Variants in GRM4 observed in about 807,000 individuals in gnomAD.
GRM4 encodes the protein metabotropic glutamate receptor 4.
GRM4 carries 28 observed loss-of-function variants against 81.7 expected under a neutral mutation model. The ratio of observed to expected loss-of-function variants is 0.34; its 90% CI spans 0.25 to 0.47. The LOEUF (loss-of-function observed/expected upper bound fraction) is 0.47. GRM4 is among the 20% of genes least tolerant of loss of function. The pLI is 1.00. For missense variants in GRM4, 948 were observed against 1,290.0 expected (o/e 0.73, Z 4.06); for synonymous variants, 488 against 528.8 (o/e 0.92, Z 1.06).
In GRM4 at chr6:34,051,340, G is replaced by A. The variant is rs186339240; in HGVS notation, c.1168+5204C>T. ...GAACAGAGCTTGACAATTAATAAAT[G>A]CTATATAAATATTAGCTGTGATTAT... is the stretch of plus-strand genomic sequence containing the variant. On this transcript the variant is annotated intron_variant, in intron 6 of 10. Coordinates refer to ENST00000538487, the MANE Select transcript of GRM4 (RefSeq NM_000841.4). 1.1e-3 allele frequency among the ~76,000 whole-genome samples: 174 copies of A among 152,302 alleles called. 1 individual carries two copies. Among genetic ancestry groups the A allele is most frequent in the Admixed American group, 4.3e-3 (66 of 15,294 alleles).
At position 34,022,537 on chromosome 6, in the gene GRM4, ACGACCTGAGCC is replaced by A; in HGVS notation, c.*273_*283del. 2.0e-6 allele frequency: 1 copy of A among 505,520 alleles called. No homozygotes were observed. Among genetic ancestry groups the A allele is most frequent in the East Asian group, 3.4e-5 (1 of 29,108 alleles). 31.3% of individuals were successfully genotyped at this position (505,520 alleles called of 1,614,324 possible). A position where few individuals can be genotyped will look rare whatever the true frequency, so the allele number is the denominator to read the frequency against. ...GGAGAGATCTAGCACTGGGGCCCACACGACCTGAGCCCCTGTGGTTTGGGGCCGGGAGGGGC... is the reference window on the plus strand; with the variant it reads ...GGAGAGATCTAGCACTGGGGCCCACACCTGTGGTTTGGGGCCGGGAGGGGC... On this transcript the variant is annotated 3_prime_UTR_variant, in exon 11 of 11. Transcript: ENST00000538487. This position sits in a 1 kb window ranked among gnomAD's most constrained non-coding sequence, Gnocchi z 5.6.
At chr6:34,072,533 CCACA>C (rs1285901902) in intron 3 of GRM4, among the ~76,000 whole-genome samples, 19 of 152,034 alleles carry the variant, frequency 1.2e-4, no homozygotes, top group Non-Finnish European at 2.2e-4. Context: ...CATAGATACC[CCACA>C]CACAGACTCA....
rs1322744355 is a variant in GRM4 at position 34,034,777 on chromosome 6, C to T, written c.2442+891G>A. 6.6e-6 allele frequency among the ~76,000 whole-genome samples: 1 copy of T among 152,242 alleles called. No homozygotes were observed. Among genetic ancestry groups the T allele is most frequent in the African/African-American group, 2.4e-5 (1 of 41,462 alleles). On this transcript the variant is annotated intron_variant, in intron 9 of 10. Transcript: ENST00000538487. The surrounding 1 kb of genome is among the most constrained non-coding windows in gnomAD (Gnocchi z 4.0). ...GAGGCCAACTGGCTTGCCCAGATCCCACACTTATACATGGCACTCAGACCA... is the reference window on the plus strand; with the variant it reads ...GAGGCCAACTGGCTTGCCCAGATCCTACACTTATACATGGCACTCAGACCA...
chr6:34,057,240 G>A (rs1369723964), intron 5 of GRM4, among the ~76,000 whole-genome samples: 2 of 151,612 alleles, frequency 1.3e-5, no homozygotes, highest in Non-Finnish European at 2.9e-5. Flanking sequence ...CTGTCCTAGG[G>A]TGGGCAGGCT....
chr6:34,135,967 C>T (rs1015851955), intron 1 of GRM4, among the ~76,000 whole-genome samples: 3 of 152,194 alleles, frequency 2.0e-5, no homozygotes, highest in African/African-American at 4.8e-5. Context: ...GGAGAGTCGG[C>T]TACTAGCCCG....
At position 34,022,614 on chromosome 6, in the gene GRM4, C is replaced by A; in HGVS notation, c.*207G>T. On this transcript the variant is annotated 3_prime_UTR_variant, in exon 11 of 11. Transcript: ENST00000538487. The surrounding 1 kb of genome is among the most constrained non-coding windows in gnomAD (Gnocchi z 5.6). ...AGGTTCTTGTGGTAGCCTGGCACCG[C>A]CCCGGCCCCTCGTCCTCCTGTTGCT... 1.7e-6 allele frequency: 1 copy of A among 597,272 alleles called. No individual in the cohort carries two copies. Among genetic ancestry groups the A allele is most frequent in the Non-Finnish European group, 3.0e-6 (1 of 332,896 alleles). 37.0% of individuals were successfully genotyped at this position (597,272 alleles called of 1,614,324 possible). A position where few individuals can be genotyped will look rare whatever the true frequency, so the allele number is the denominator to read the frequency against.
At chr6:34,061,658 A>G (rs970207163) in intron 4 of GRM4, 7 of 444,786 alleles carry the variant, frequency 1.6e-5, no homozygotes, top group African/African-American at 1.4e-4. Context: ...AGCCATCCCT[A>G]GCAGGTGGAA....
At chr6:34,151,057 A>G (rs377593887), upstream of GRM4, among the ~76,000 whole-genome samples, 15 of 138,922 alleles carry the variant, frequency 1.1e-4, no homozygotes, top group Admixed American at 2.1e-4. Context: ...CTCCAGCATA[A>G]GAGTGGCCAG....
chr6:34,037,449 CT>C (rs1235104674), intron 8 of GRM4, among the ~76,000 whole-genome samples: 1 of 152,188 alleles, frequency 6.6e-6, no homozygotes, highest in Non-Finnish European at 1.5e-5. Context: ...AATAAAGTGT[CT>C]CTTAGGAAGT....
chr6:34,022,945 G>A lies in GRM4; in HGVS notation c.2690-75C>T. 2 of 1,155,976 alleles carry A rather than the reference G, an allele frequency of 1.7e-6. No homozygotes were observed. The highest frequency in any genetic ancestry group is 1.2e-5 in the South Asian group (1 of 81,880). The allele number at this position is 1,155,976 out of a possible 1,614,324, so 71.6% of individuals were successfully genotyped here. A position where few individuals can be genotyped will look rare whatever the true frequency, so the allele number is the denominator to read the frequency against. Reference sequence around the variant, plus strand: ...CAAACTGTCCTTCCACATGGGCACAGCCCTGCACAAGAACCTACCATAGCT... The same window carrying A: ...CAAACTGTCCTTCCACATGGGCACAACCCTGCACAAGAACCTACCATAGCT... On this transcript the variant is annotated intron_variant, in intron 10 of 10. Coordinates refer to ENST00000538487, the MANE Select transcript of GRM4 (RefSeq NM_000841.4). This position sits in a 1 kb window ranked among gnomAD's most constrained non-coding sequence, Gnocchi z 5.6.
At chr6:34,051,256 G>A (rs888318952) in intron 6 of GRM4, among the ~76,000 whole-genome samples, 1 of 152,204 alleles carries the variant, frequency 6.6e-6, no homozygotes, top group Non-Finnish European at 1.5e-5. Flanking sequence ...TAACCTCTCT[G>A]TGCTTCAGTT....
chr6:34,125,635 G>A (rs773217293), intron 2 of GRM4, among the ~76,000 whole-genome samples: 23 of 152,242 alleles, frequency 1.5e-4, no homozygotes, highest in Admixed American at 3.3e-4. Flanking sequence ...CCAAGGGCAC[G>A]CAGAGGATTG....
intron 6 of GRM4, among the ~76,000 whole-genome samples, chr6:34,051,892 G>A (rs1765630999): frequency 2.0e-5 from 3 of 152,208 alleles, no homozygotes; most frequent in Admixed American, 6.5e-5. Context: ...GAGGCCCCCA[G>A]AGGTGAGGTA....
At position 34,028,330 on chromosome 6, in the gene GRM4, T is replaced by A; in HGVS notation, c.2479A>T (p.Ser827Cys). ...IQTTTLTVSVSLSASVSLGML... is the reference protein window; with the variant it reads ...IQTTTLTVSVCLSASVSLGML... ...CCCAGGGACACCGAGGCGCTCAGAC[T>A]CACCGAGACCGTCAGCGTCGTCGTC... is the stretch of plus-strand genomic sequence containing the variant. Residue 827 changes from serine (S) to cysteine (C), a missense_variant, in exon 10 of 11, where the codon AGT (serine) becomes TGT (cysteine). Ser to Cys is a moderately radical substitution (Grantham distance 112). Coordinates refer to ENST00000538487, the MANE Select transcript of GRM4 (RefSeq NM_000841.4). The A allele has an allele frequency of 6.2e-7, 1 of 1,611,692 alleles. No homozygotes were observed.
At chr6:34,055,517 C>T (rs1765827700) in intron 6 of GRM4, 1 of 152,254 alleles carries the variant, frequency 6.6e-6, no homozygotes, top group Admixed American at 6.5e-5. Flanking sequence ...GCGTCCCCCG[C>T]CCTTTGCCCA....
At position 34,048,239 on chromosome 6, in the gene GRM4, C is replaced by T. The variant is rs1364928742; in HGVS notation, c.1169-7491G>A. Among the ~76,000 whole-genome samples the T allele has an allele frequency of 2.0e-5, 3 of 152,182 alleles. No homozygotes were observed. Among genetic ancestry groups the T allele is most frequent in the Non-Finnish European group, 4.4e-5 (3 of 68,028 alleles). On this transcript the variant is annotated intron_variant, in intron 6 of 10. Coordinates refer to ENST00000538487, the MANE Select transcript of GRM4 (RefSeq NM_000841.4). This position sits in a 1 kb window ranked among gnomAD's most constrained non-coding sequence, Gnocchi z 4.0. ...GGCCAGCTGGAAACCCCCACTCAGC[C>T]CCTTGCTGGGCCTGGCAAGTCACTT...
At chr6:34,088,856 G>C (rs1310162914) in intron 3 of GRM4, among the ~76,000 whole-genome samples, 1 of 152,226 alleles carries the variant, frequency 6.6e-6, no homozygotes, top group Non-Finnish European at 1.5e-5. Flanking sequence ...ATTGCCCAGA[G>C]CATGTGTAGA....
rs57603011 is a variant in GRM4, at chr6:34,154,590, T to TACACACACACACAC, written c.312+475_312+488dup. ...GGTTAGATGGACGGATGGTCCTGAC[T>TACACACACACACAC]ACACACACACACACACACACACACA... is the stretch of plus-strand genomic sequence containing the variant. On this transcript the variant is annotated intron_variant, in intron 1 of 8. Coordinates refer to the GRM4 transcript ENST00000374177. Among the ~76,000 whole-genome samples, 241 of 145,082 alleles carry TACACACACACACAC rather than the reference T, an allele frequency of 1.7e-3. 1 individual carries two copies. Among genetic ancestry groups the TACACACACACACAC allele is most frequent in the African/African-American group, 5.4e-3 (205 of 38,298 alleles).
chr6:34,044,501 CACATACACACACAGACATACAT>C (rs1443217076), intron 6 of GRM4, among the ~76,000 whole-genome samples: 1 of 150,996 alleles, frequency 6.6e-6, no homozygotes, highest in East Asian at 1.9e-4. Context: ...TAGACATACA[CACATACACACACAGACATACAT>C]ACATACACAT....
Sources: gnomAD v4.1 joint callset for allele counts (sites outside exome capture counted in the v4.1 genomes callset) on GRCh38, gnomAD v4.1.1 for gene constraint, Gnocchi (gnomAD v3.1) non-coding constraint, MANE v1.5 for transcripts, NCBI Gene and HGNC (gene_info 2026-07-23, HGNC 2026-07-21) for gene names.